DLC1: variants seen among roughly 807,000 people sequenced by gnomAD.
The protein encoded by DLC1 is DLC1 Rho GTPase activating protein.
In DLC1, 54 loss-of-function variants were observed where a neutral mutation model predicts 140.3. The observed-to-expected ratio is 0.38, with a 90% CI of 0.31 to 0.48. The LOEUF (loss-of-function observed/expected upper bound fraction) is 0.48, where lower values mean the gene tolerates loss of function less well. DLC1 is among the 20% of genes least tolerant of loss of function. The probability of loss-of-function intolerance (pLI) is 0.96; values close to 1 mark genes in which losing one functional copy is unlikely to be tolerated. For missense variants in DLC1, 2,536 were observed against 1,907.0 expected (o/e 1.33, Z -6.14); for synonymous variants, 986 against 728.1 (o/e 1.35, Z -5.70).
chr8:13,147,481 T>C (rs944662135), intron 5 of DLC1, among the ~76,000 whole-genome samples: 3 of 152,164 alleles, frequency 2.0e-5, no homozygotes, highest in African/African-American at 7.2e-5. Context: ...GATTTTCAGA[T>C]CTGTGGCTGA....
intron 1 of DLC1, among the ~76,000 whole-genome samples, chr8:13,581,577 C>G (rs959631799): frequency 6.6e-6 from 1 of 152,186 alleles, no homozygotes; most frequent in African/African-American, 2.4e-5. Flanking sequence ...GTCTTTATAT[C>G]CACTGTCACC....
intron 5 of DLC1, among the ~76,000 whole-genome samples, chr8:13,265,345 A>C (rs1830641836): frequency 6.6e-6 from 1 of 152,226 alleles, no homozygotes; most frequent in African/African-American, 2.4e-5. Flanking sequence ...ATGGTAAAGA[A>C]AAATAGTAGG....
intron 10 of DLC1, among the ~76,000 whole-genome samples, chr8:13,097,666 C>T (rs1818618998): frequency 6.6e-6 from 1 of 152,136 alleles, no homozygotes; most frequent in Non-Finnish European, 1.5e-5. Flanking sequence ...TTTTCCTTTT[C>T]CTCCATCCAA....
chr8:13,397,893 G>A (rs1837119651), intron 3 of DLC1, among the ~76,000 whole-genome samples: 1 of 152,078 alleles, frequency 6.6e-6, no homozygotes, highest in Non-Finnish European at 1.5e-5. Flanking sequence ...AGCACTTCTG[G>A]AGGCCGAGGT....
chr8:13,097,135 T>C (rs1366156928), intron 10 of DLC1, among the ~76,000 whole-genome samples: 1 of 152,176 alleles, frequency 6.6e-6, no homozygotes, highest in Non-Finnish European at 1.5e-5. Flanking sequence ...GTCTATAATA[T>C]GTTAGAGTAG....
intron 15 of DLC1, 52 bp downstream of exon 15, chr8:13,090,200 C>T: frequency 1.9e-6 from 3 of 1,552,304 alleles, no homozygotes; most frequent in Non-Finnish European, 2.6e-6. Flanking sequence ...CTCTGATGGA[C>T]CCAAGCTTCG....
At position 13,264,052 on chromosome 8, in the gene DLC1, T is replaced by TTTTATTTATTTATTTATTTATTTA. The variant is rs3065458; in HGVS notation, c.1348+41193_1348+41216dup. On this transcript the variant is annotated intron_variant, in intron 5 of 17. Transcript: ENST00000276297. ...ATGACAGCAATAAGAATAAGAAGCT[T>TTTTATTTATTTATTTATTTATTTA]TTTATTTATTTATTTATTTATTTAT... 8.4e-3 allele frequency among the ~76,000 whole-genome samples: 1,209 copies of TTTTATTTATTTATTTATTTATTTA among 143,088 alleles called. 11 individuals are homozygous for TTTTATTTATTTATTTATTTATTTA. Among genetic ancestry groups the TTTTATTTATTTATTTATTTATTTA allele is most frequent in the African/African-American group, 0.013 (506 of 38,400 alleles). 93.9% of individuals were successfully genotyped at this position (143,088 alleles called of 152,430 possible).
rs1838890890 is a variant in DLC1 at position 13,431,791 on chromosome 8, G to A, written c.1024-30172C>T. 2.6e-5 allele frequency among the ~76,000 whole-genome samples: 4 copies of A among 152,154 alleles called. 1 individual carries two copies. Among genetic ancestry groups the A allele is most frequent in the Admixed American group, 2.6e-4 (4 of 15,286 alleles). ...AAGGGAACGTGGGTGGGGAAGTGGGGTGGCAAGTGGAGGATAGGGGCCATG... is the reference window on the plus strand; with the variant it reads ...AAGGGAACGTGGGTGGGGAAGTGGGATGGCAAGTGGAGGATAGGGGCCATG... On this transcript the variant is annotated intron_variant, in intron 2 of 17. Transcript: ENST00000276297.
intron 5 of DLC1, among the ~76,000 whole-genome samples, chr8:13,123,461 C>G (rs570845598): frequency 5.1e-4 from 78 of 152,202 alleles, no homozygotes; most frequent in African/African-American, 1.8e-3. Context: ...CTGCCTCAGC[C>G]TCCTGAGTAG....
intron 2 of DLC1, among the ~76,000 whole-genome samples, chr8:13,422,402 C>CT (rs549082037): frequency 2.3e-4 from 33 of 145,638 alleles, no homozygotes; most frequent in East Asian, 1.2e-3. Flanking sequence ...TCAGAGATTG[C>CT]TTTTTTTTTT....
intron 1 of DLC1, among the ~76,000 whole-genome samples, chr8:13,538,367 A>AT (rs996905343): frequency 6.8e-6 from 1 of 147,242 alleles, no homozygotes; most frequent in African/African-American, 2.7e-5. Flanking sequence ...AGCACTGAGT[A>AT]TAAAAAAAAA....
chr8:13,431,030 A>G (rs890280135), intron 2 of DLC1, among the ~76,000 whole-genome samples: 1 of 152,232 alleles, frequency 6.6e-6, no homozygotes, highest in Non-Finnish European at 1.5e-5. Flanking sequence ...TGCTTCTTCC[A>G]TGTCAGTCAA....
At chr8:13,148,664 G>T (rs868483292) in intron 5 of DLC1, among the ~76,000 whole-genome samples, 7 of 138,874 alleles carry the variant, frequency 5.0e-5, no homozygotes, top group Admixed American at 2.1e-4. Flanking sequence ...GGTTGTTTTT[G>T]TTGTTGTTGT....
chr8:13,113,900 A>G (rs1034818818), intron 6 of DLC1, among the ~76,000 whole-genome samples: 4 of 152,260 alleles, frequency 2.6e-5, no homozygotes, highest in African/African-American at 7.2e-5. Context: ...AAAAAATATC[A>G]CAATCAGTCT....
intron 5 of DLC1, among the ~76,000 whole-genome samples, chr8:13,255,048 C>T (rs575314030): frequency 1.3e-5 from 2 of 152,102 alleles, no homozygotes; most frequent in Non-Finnish European, 2.9e-5. Flanking sequence ...GCAATCTCGG[C>T]TCACTGCAAC....
chr8:13,509,444 C>G (rs1802257867), intron 1 of DLC1, among the ~76,000 whole-genome samples: 1 of 152,194 alleles, frequency 6.6e-6, no homozygotes, highest in Non-Finnish European at 1.5e-5. Flanking sequence ...CCATACATCT[C>G]TATCATCTCA....
Position 13,128,192 on chromosome 8 carries a change from G to A in DLC1, c.1349-12535C>T, listed in dbSNP as rs547753920. Among the ~76,000 whole-genome samples, 3 of 152,292 alleles carry A rather than the reference G, an allele frequency of 2.0e-5. No individual in the cohort carries two copies. In the South Asian group the frequency reaches 6.2e-4, roughly 32 times the overall value. On this transcript the variant is annotated intron_variant, in intron 5 of 17. Coordinates refer to ENST00000276297, the MANE Select transcript of DLC1 (RefSeq NM_182643.3). ...TCAAAACTTTATTTCCTTATAGGCA[G>A]GCATTCACATATTTTCAGTCACATT...
intron 1 of DLC1, among the ~76,000 whole-genome samples, chr8:13,546,684 G>C (rs575054205): frequency 6.6e-6 from 1 of 152,238 alleles, no homozygotes; most frequent in Admixed American, 6.5e-5. Flanking sequence ...CATAGAGAGT[G>C]ATGGTGAAAA....
intron 2 of DLC1, among the ~76,000 whole-genome samples, chr8:13,453,441 TATATATAC>T (rs1473111910): frequency 1.6e-4 from 6 of 38,612 alleles, no homozygotes; most frequent in African/African-American, 5.4e-4. Flanking sequence ...TATATATGTA[TATATATAC>T]ATATATATAT....
Sources: allele counts gnomAD v4.1 joint callset (sites outside exome capture counted in the v4.1 genomes callset), GRCh38; gene constraint gnomAD v4.1.1; transcripts MANE v1.5; gene names NCBI Gene and HGNC (gene_info 2026-07-23, HGNC 2026-07-21).